PDZD2: variants seen among roughly 807,000 people sequenced by gnomAD.
PDZD2 encodes the protein PDZ domain-containing protein 2.
A neutral mutation model predicts 220.7 loss-of-function variants in PDZD2; 90 were observed. That is an observed-to-expected ratio of 0.41 (90% CI 0.34 to 0.49). PDZD2 has a LOEUF of 0.49. Among genes scored for constraint, PDZD2 ranks in the 20% least tolerant of loss-of-function variants. PDZD2 has a pLI of 0.28. For synonymous variants in PDZD2, 1,375 were observed against 1,450.5 expected, an observed-to-expected ratio of 0.95 and a Z score of 1.18; for missense variants, 3,174 against 3,608.5, an observed-to-expected ratio of 0.88 and a Z score of 3.08.
At chr5:31,654,284 C>T (rs1745461473) in intron 1 of PDZD2, among the ~76,000 whole-genome samples, 1 of 152,158 alleles carries the variant, frequency 6.6e-6, no homozygotes, top group African/African-American at 2.4e-5. Context: ...ACACTCCTTA[C>T]CTTGGCTCTC....
At chr5:31,787,084 G>A (rs1469325529) in intron 1 of PDZD2, among the ~76,000 whole-genome samples, 2 of 152,180 alleles carry the variant, frequency 1.3e-5, no homozygotes, top group African/African-American at 4.8e-5. Context: ...TATCATGGCT[G>A]CCCGATCCAT....
chr5:31,847,576 C>A (rs999634102), intron 2 of PDZD2: 2 of 694,634 alleles, frequency 2.9e-6, no homozygotes, highest in Non-Finnish European at 2.6e-6. Context: ...TGGCCTGCTG[C>A]TGGCTCGGAG....
chr5:31,892,243 C>G (rs138999514), intron 2 of PDZD2, among the ~76,000 whole-genome samples: 106 of 152,166 alleles, frequency 7.0e-4, no homozygotes, highest in African/African-American at 2.5e-3. Flanking sequence ...TCTGGATTAC[C>G]TTCTCCTCAA....
chr5:32,036,025 C>A (rs923219345), intron 6 of PDZD2, among the ~76,000 whole-genome samples: 2 of 151,880 alleles, frequency 1.3e-5, no homozygotes, highest in Admixed American at 6.6e-5. Flanking sequence ...CTCACTGCAA[C>A]GTCTGCCTCA....
chr5:32,040,168 C>T (rs1368887308), intron 7 of PDZD2, among the ~76,000 whole-genome samples: 5 of 149,484 alleles, frequency 3.3e-5, no homozygotes, highest in South Asian at 2.1e-4. Context: ...TGCCTCTGCC[C>T]GGCTGCCCCA....
intron 18 of PDZD2, among the ~76,000 whole-genome samples, chr5:32,076,230 G>A (rs1390780535): frequency 6.8e-6 from 1 of 147,524 alleles, no homozygotes; most frequent in East Asian, 2.1e-4. Context: ...TGGTTGCAGT[G>A]AGCTGAGATC....
chr5:31,710,567 C>T (rs563181731), intron 1 of PDZD2, among the ~76,000 whole-genome samples: 1 of 152,196 alleles, frequency 6.6e-6, no homozygotes, highest in South Asian at 2.1e-4. Flanking sequence ...CCTGTAATCT[C>T]AGCACTTCGG....
At position 32,072,312 on chromosome 5, in the gene PDZD2, C is replaced by T; in HGVS notation, c.2720C>T (p.Thr907Ile). The T allele has an allele frequency of 1.2e-6, 2 of 1,611,232 alleles. No individual in the cohort carries two copies. Among genetic ancestry groups the T allele is most frequent in the Non-Finnish European group, 1.7e-6 (2 of 1,178,376 alleles). ...TSEEGSLPPS[T>I]STHKEPGKPR... ...GAGGAGGGCAGCCTGCCTCCCAGCA[C>T]CTCCAGTAAGCAGGGGTGCCCCAGA... Residue 907 changes from threonine (T) to isoleucine (I), a missense_variant, in exon 17 of 25, where the codon ACC becomes ATC. By Grantham distance (89) the Thr-to-Ile change is moderately conservative. Transcript: ENST00000438447.
At chr5:31,898,097 C>T (rs546558414) in intron 2 of PDZD2, among the ~76,000 whole-genome samples, 1 of 152,286 alleles carries the variant, frequency 6.6e-6, no homozygotes, top group East Asian at 1.9e-4. Flanking sequence ...CATTTGTCTC[C>T]TCCCTGGAGC....
At chr5:31,814,961 G>T (rs564394915) in intron 2 of PDZD2, among the ~76,000 whole-genome samples, 12 of 152,118 alleles carry the variant, frequency 7.9e-5, no homozygotes, top group African/African-American at 2.7e-4. Context: ...TAGATGGCAA[G>T]GCCGGGGGCG....
At chr5:32,052,506 A>G in intron 8 of PDZD2, 105 bp from the exon 9 acceptor site, 5 of 1,022,386 alleles carry the variant, frequency 4.9e-6, no homozygotes, top group Non-Finnish European at 7.7e-6. Flanking sequence ...AATGTCTAGT[A>G]CTGAAGACAT....
At chr5:31,836,346 C>G (rs1321086006) in intron 2 of PDZD2, among the ~76,000 whole-genome samples, 1 of 150,300 alleles carries the variant, frequency 6.7e-6, no homozygotes, top group Admixed American at 6.7e-5. Context: ...ATTCTCTTGC[C>G]TCAGCCTCCC....
At chr5:32,086,022 T>A (rs1742417520) in intron 19 of PDZD2, among the ~76,000 whole-genome samples, 1 of 152,144 alleles carries the variant, frequency 6.6e-6, no homozygotes, top group Non-Finnish European at 1.5e-5. Flanking sequence ...GTCAGCCCCA[T>A]TCATGTCCCC....
In PDZD2 at chr5:31,799,089, G is replaced by A. The variant is rs1436303267; in HGVS notation, c.-160G>A. On this transcript the variant is annotated 5_prime_UTR_variant, in exon 2 of 25. Transcript: ENST00000438447. ...TAGCTTCCTCCTGCCAAGGCAAACA[G>A]CATAGTCTCGAGTAGGTGTCCCTAG... 6 of 594,490 alleles carry A rather than the reference G, an allele frequency of 1.0e-5. No individual in the cohort carries two copies. The highest frequency in any genetic ancestry group is 8.9e-5 in the Admixed American group (3 of 33,848). 36.8% of individuals were successfully genotyped at this position (594,490 alleles called of 1,614,324 possible).
chr5:31,853,246 T>G (rs765984025), intron 2 of PDZD2, among the ~76,000 whole-genome samples: 3 of 152,192 alleles, frequency 2.0e-5, no homozygotes, highest in Non-Finnish European at 4.4e-5. Context: ...CAGCCTAATT[T>G]GCTTTGACCC....
At chr5:31,918,126 A>G (rs1450458963) in intron 2 of PDZD2, among the ~76,000 whole-genome samples, 1 of 152,114 alleles carries the variant, frequency 6.6e-6, no homozygotes, top group Admixed American at 6.6e-5. Context: ...CTTTTAAACA[A>G]CCAGATTTCA....
chr5:31,920,240 C>T (rs1054839015), intron 2 of PDZD2, among the ~76,000 whole-genome samples: 17 of 151,838 alleles, frequency 1.1e-4, no homozygotes, highest in Admixed American at 9.8e-4. Flanking sequence ...GCTATGAGCG[C>T]GCCACTGCAC....
At chr5:31,982,668 A>G (rs989627143) in intron 2 of PDZD2, among the ~76,000 whole-genome samples, 3 of 152,086 alleles carry the variant, frequency 2.0e-5, no homozygotes, top group Admixed American at 2.0e-4. Flanking sequence ...ATAGGCTCCC[A>G]TTGTTGTGCT....
At chr5:31,839,959 C>T (rs1187847500) in intron 2 of PDZD2, among the ~76,000 whole-genome samples, 1 of 152,194 alleles carries the variant, frequency 6.6e-6, no homozygotes, top group Non-Finnish European at 1.5e-5. Flanking sequence ...GCCTCCCCAG[C>T]CACGTGGAAC....
Sources: gnomAD v4.1 joint callset for allele counts (sites outside exome capture counted in the v4.1 genomes callset) on GRCh38, gnomAD v4.1.1 for gene constraint, MANE v1.5 for transcripts, NCBI Gene and HGNC (gene_info 2026-07-23, HGNC 2026-07-21) for gene names.